EFR3A: variants seen among roughly 807,000 people sequenced by gnomAD.
EFR3A encodes the protein EFR3 homolog A, also known as protein EFR3 homolog A.
EFR3A carries 76 observed loss-of-function variants against 104.4 expected under a neutral mutation model. The ratio of observed to expected loss-of-function variants is 0.73; its 90% CI spans 0.60 to 0.88. The LOEUF is 0.88. Ranked by LOEUF, EFR3A falls within the 40% of genes least tolerant of loss-of-function variation. The pLI is 0.00. For missense variants in EFR3A, 985 were observed against 1,012.5 expected (o/e 0.97, Z 0.37); for synonymous variants, 330 against 330.0 (o/e 1.00, Z 0.00).
At chr8:131,985,770 C>A (rs953813478) in intron 16 of EFR3A, among the ~76,000 whole-genome samples, 8 of 152,178 alleles carry the variant, frequency 5.3e-5, no homozygotes, top group African/African-American at 1.9e-4. Flanking sequence ...CCTCTTTGCT[C>A]ACAGTTCATT....
At chr8:131,931,627 A>T (rs576650327) in intron 1 of EFR3A, among the ~76,000 whole-genome samples, 1 of 152,234 alleles carries the variant, frequency 6.6e-6, no homozygotes. Context: ...AATGCCTTAT[A>T]TGTAGTAGAC....
intron 18 of EFR3A, among the ~76,000 whole-genome samples, chr8:131,988,757 G>T (rs1228545015): frequency 6.6e-6 from 1 of 152,096 alleles, no homozygotes; most frequent in Non-Finnish European, 1.5e-5. Flanking sequence ...CCAGTTGTCA[G>T]TTTGGCCTGC....
intron 8 of EFR3A, 89 bp downstream of exon 8, chr8:131,959,752 G>A: frequency 1.2e-6 from 1 of 815,000 alleles, no homozygotes; most frequent in Non-Finnish European, 1.9e-6. Context: ...GTGGGAAGCT[G>A]TAGGATATAA....
intron 4 of EFR3A, among the ~76,000 whole-genome samples, chr8:131,948,852 A>G (rs1430333223): frequency 2.0e-5 from 3 of 152,248 alleles, no homozygotes; most frequent in Non-Finnish European, 2.9e-5. Context: ...TATGTTGTCA[A>G]ACATGACCAG....
chr8:132,003,409 T>C (rs1821886798), intron 22 of EFR3A, 124 bp downstream of exon 22: 3 of 905,394 alleles, frequency 3.3e-6, no homozygotes, highest in Non-Finnish European at 5.2e-6. Context: ...TCATTTAGGA[T>C]TAACATAAGA....
rs369021092 is a variant in EFR3A at position 131,970,520 on chromosome 8, C to T, written c.1036C>T (p.Arg346Cys). The T allele has an allele frequency of 7.4e-6, 12 of 1,613,732 alleles. No homozygotes were observed. Among genetic ancestry groups the T allele is most frequent in the East Asian group, 2.2e-5 (1 of 44,858 alleles). Reference sequence around the variant, plus strand: ...CTTCAATACCCTTTTGAAACATCTGCGTCTCAGCGTTGAATTCGAAGCAAA... The same window carrying T: ...CTTCAATACCCTTTTGAAACATCTGTGTCTCAGCGTTGAATTCGAAGCAAA... ...EVFNTLLKHL[R>C]LSVEFEANDL... Residue 346 changes from arginine (R) to cysteine (C), a missense_variant, in exon 10 of 23, where the codon CGT becomes TGT. Physicochemically the swap from Arg to Cys is radical, Grantham distance 180. Transcript: ENST00000254624.
intron 19 of EFR3A, among the ~76,000 whole-genome samples, chr8:132,000,080 AT>A (rs1187790840): frequency 6.6e-6 from 1 of 152,158 alleles, no homozygotes. Flanking sequence ...GAAAGGAGAC[AT>A]TAAAAAAAAG....
rs141209118 is a variant in EFR3A at position 131,954,898 on chromosome 8, G to A, written c.639-870G>A. Among the ~76,000 whole-genome samples, 712 of 152,080 alleles carry A rather than the reference G, an allele frequency of 4.7e-3. 5 individuals are homozygous for A. The highest frequency in any genetic ancestry group is 0.015 in the African/African-American group (622 of 41,530). On this transcript the variant is annotated intron_variant, in intron 6 of 22. Coordinates refer to ENST00000254624, the MANE Select transcript of EFR3A (RefSeq NM_015137.6). ...AATTGATAACTCTATGGTAACACAC[G>A]TTCATGTTAACTTACACTAATTACA... is the stretch of plus-strand genomic sequence containing the variant.
chr8:131,981,537 A>G (rs1014393594), intron 14 of EFR3A, among the ~76,000 whole-genome samples: 15 of 151,732 alleles, frequency 9.9e-5, no homozygotes, highest in South Asian at 6.2e-4. Flanking sequence ...TTACCTTCCA[A>G]TTTGTTTTAT....
chr8:131,987,644 A>T lies in EFR3A; in HGVS notation c.2007A>T (p.Leu669=). 6.3e-7 allele frequency: 1 copy of T among 1,597,680 alleles called. No homozygotes were observed. The change falls in exon 18 of 23, where the codon CTA becomes CTT. Residue 669 remains leucine (L), a synonymous_variant. Coordinates refer to ENST00000254624, the MANE Select transcript of EFR3A (RefSeq NM_015137.6). ...TGACCAACAAGATTGCAGAGTCGCT[A>T]GGTGGAAGTGGATATAGTGTTGAGA... ...YFLTNKIAES[L]GGSGYSVERL... is the part of the protein sequence containing the mutation.
chr8:131,987,435 A>G (rs1465694433), intron 17 of EFR3A, 140 bp from the exon 18 acceptor site: 1 of 948,712 alleles, frequency 1.1e-6, no homozygotes, highest in Non-Finnish European at 1.5e-6. Context: ...CCTAAAATAT[A>G]CTGATTTTTC....
intron 8 of EFR3A, among the ~76,000 whole-genome samples, chr8:131,966,317 C>T (rs1021307652): frequency 2.0e-5 from 3 of 152,094 alleles, no homozygotes; most frequent in Non-Finnish European, 4.4e-5. Context: ...GGAGTAATTA[C>T]GGTGAACCTA....
In EFR3A at chr8:131,946,597, G is replaced by T; in HGVS notation, c.330G>T (p.Ser110=). ...ATATGGTGGCAAAGCTGCTGGAATC[G>T]GGGGAACCAAAGCTTCAAGTTCTTG... ...FLHMVAKLLE[S]GEPKLQVLGT... is the part of the protein sequence containing the mutation. The change falls in exon 4 of 23, where the codon TCG becomes TCT. Residue 110 remains serine, a synonymous_variant. Coordinates refer to ENST00000254624, the MANE Select transcript of EFR3A (RefSeq NM_015137.6). The T allele has an allele frequency of 6.2e-7, 1 of 1,603,710 alleles. No individual in the cohort carries two copies. The highest frequency in any genetic ancestry group is 2.3e-5 in the East Asian group (1 of 44,332).
chr8:131,951,155 A>G (rs903960490), intron 5 of EFR3A, among the ~76,000 whole-genome samples: 9 of 152,162 alleles, frequency 5.9e-5, no homozygotes, highest in African/African-American at 1.9e-4. Flanking sequence ...GCTGGTTTAC[A>G]TGAAACAAAA....
intron 19 of EFR3A, 130 bp from the exon 20 acceptor site, chr8:132,001,622 ATCACAGC>A (rs973522222): frequency 2.9e-6 from 2 of 689,998 alleles, no homozygotes; most frequent in Non-Finnish European, 5.1e-6. Context: ...GTGGAGTATA[ATCACAGC>A]TCACAGCTCA....
At chr8:131,986,354 C>G (rs1173670690) in intron 17 of EFR3A, 93 bp downstream of exon 17, 1 of 592,628 alleles carries the variant, frequency 1.7e-6, no homozygotes, top group African/African-American at 1.9e-5. Flanking sequence ...TACAATAATT[C>G]CTGGTGCTTT....
chr8:131,994,033 C>T (rs1821349336), intron 18 of EFR3A, among the ~76,000 whole-genome samples: 1 of 152,024 alleles, frequency 6.6e-6, no homozygotes, highest in Non-Finnish European at 1.5e-5. Flanking sequence ...ACCCCCATGA[C>T]ACAAATTTAT....
intron 4 of EFR3A, among the ~76,000 whole-genome samples, chr8:131,948,711 A>C (rs1818557343): frequency 6.6e-6 from 1 of 152,130 alleles, no homozygotes; most frequent in Admixed American, 6.6e-5. Context: ...ATTTGGGCAA[A>C]AGACAAAATT....
At chr8:131,963,771 A>C (rs1214892819) in intron 8 of EFR3A, among the ~76,000 whole-genome samples, 1 of 152,220 alleles carries the variant, frequency 6.6e-6, no homozygotes, top group Non-Finnish European at 1.5e-5. Flanking sequence ...ACATCAAAAA[A>C]AGAGAATTTT....
Sources: gnomAD v4.1 joint callset for allele counts (sites outside exome capture counted in the v4.1 genomes callset) on GRCh38, gnomAD v4.1.1 for gene constraint, MANE v1.5 for transcripts, NCBI Gene and HGNC (gene_info 2026-07-23, HGNC 2026-07-21) for gene names.